TMEM63B: variants seen among roughly 807,000 people sequenced by gnomAD.
TMEM63B encodes mechanosensitive cation channel TMEM63B.
TMEM63B carries 23 observed loss-of-function variants against 102.6 expected under a neutral mutation model. The ratio of observed to expected loss-of-function variants is 0.22; its 90% CI spans 0.16 to 0.32. TMEM63B has a LOEUF of 0.32. Ranked by LOEUF, TMEM63B falls within the 10% of genes least tolerant of loss-of-function variation. TMEM63B has a pLI of 1.00. For synonymous variants in TMEM63B, 444 were observed against 437.0 expected, an observed-to-expected ratio of 1.02 and a Z score of -0.20; for missense variants, 628 against 1,095.9, an observed-to-expected ratio of 0.57 and a Z score of 6.03.
At chr6:44,134,971 T>G (rs1203798383) in intron 2 of TMEM63B, 46 bp from the exon 3 acceptor site, 14 of 1,604,716 alleles carry the variant, frequency 8.7e-6, no homozygotes, top group Non-Finnish European at 1.2e-5. Flanking sequence ...GTCCAGCAGG[T>G]GGACAGACAG....
Position 44,152,125 on chromosome 6 carries a change from G to A in TMEM63B, c.1836+117G>A. 1 of 1,284,950 alleles carries A rather than the reference G, an allele frequency of 7.8e-7. No homozygotes were observed. Among genetic ancestry groups the A allele is most frequent in the South Asian group, 1.5e-5 (1 of 66,434 alleles). 79.6% of individuals were successfully genotyped at this position (1,284,950 alleles called of 1,614,324 possible). A position where few individuals can be genotyped will look rare whatever the true frequency, so the allele number is the denominator to read the frequency against. The stretch of plus-strand genomic sequence containing the variant: ...GGAGGGCTGAGACTTGGGGAGTACA[G>A]TTGACTCACGGTGGATCCGGGCCAT... On this transcript the variant is annotated intron_variant, in intron 19 of 23. Transcript: ENST00000323267. The surrounding 1 kb of genome is among the most constrained non-coding windows in gnomAD (Gnocchi z 6.4).
chr6:44,132,645 C>T (rs1287247534), intron 1 of TMEM63B, among the ~76,000 whole-genome samples: 1 of 152,124 alleles, frequency 6.6e-6, no homozygotes, highest in Non-Finnish European at 1.5e-5. Flanking sequence ...CCCGGGCTCC[C>T]AGACACACCC....
intron 1 of TMEM63B, among the ~76,000 whole-genome samples, chr6:44,132,845 G>A (rs1562114003): frequency 1.3e-5 from 2 of 152,286 alleles, no homozygotes; most frequent in South Asian, 2.1e-4. Flanking sequence ...AAGCTTCCAT[G>A]GTCTGCCGAG....
rs1256388133 is a variant in TMEM63B, at chr6:44,152,175, G to A, written c.1836+167G>A. Reference sequence around the variant, plus strand: ...TCCCCTTCCCATATCTGGGGCCTTCGTATTCTGCCATGGGTGGACATAGGT... The same window carrying A: ...TCCCCTTCCCATATCTGGGGCCTTCATATTCTGCCATGGGTGGACATAGGT... On this transcript the variant is annotated intron_variant, in intron 19 of 23. Coordinates refer to ENST00000323267, the MANE Select transcript of TMEM63B (RefSeq NM_018426.3). The surrounding 1 kb of genome is among the most constrained non-coding windows in gnomAD (Gnocchi z 6.4). Among the ~76,000 whole-genome samples the A allele has an allele frequency of 1.3e-5, 2 of 152,174 alleles. No individual in the cohort carries two copies. Among genetic ancestry groups the A allele is most frequent in the Non-Finnish European group, 2.9e-5 (2 of 68,026 alleles).
chr6:44,151,685 T>G (rs1160373193), intron 18 of TMEM63B, among the ~76,000 whole-genome samples, 161 bp from the exon 19 acceptor site: 3 of 152,150 alleles, frequency 2.0e-5, no homozygotes, highest in Non-Finnish European at 4.4e-5. Context: ...TGTATGTCTC[T>G]GGGGGGAACA....
At position 44,135,306 on chromosome 6, in the gene TMEM63B, CCTGT is replaced by C; in HGVS notation, c.240-17_240-14del. On this transcript the variant is annotated intron_variant, in intron 3 of 23. Coordinates refer to ENST00000323267, the MANE Select transcript of TMEM63B (RefSeq NM_018426.3). ...GGGACTCTCCCCCGCCCCTGCTAACCCTGTCTGTTCTCTGTCCCCAGGCTTCGGC... is the reference window on the plus strand; with the variant it reads ...GGGACTCTCCCCCGCCCCTGCTAACCCTGTTCTCTGTCCCCAGGCTTCGGC... The C allele has an allele frequency of 6.2e-7, 1 of 1,610,936 alleles. No individual in the cohort carries two copies. Among genetic ancestry groups the C allele is most frequent in the Non-Finnish European group, 8.5e-7 (1 of 1,178,248 alleles).
intron 15 of TMEM63B, chr6:44,149,334 C>T (rs575052016): frequency 9.2e-5 from 32 of 348,470 alleles, no homozygotes; most frequent in Admixed American, 5.2e-4. Flanking sequence ...AGGGCTGCTC[C>T]GATGACAGTA....
chr6:44,149,152 C>T (rs1766041433), intron 15 of TMEM63B: 1 of 649,106 alleles, frequency 1.5e-6, no homozygotes, highest in Non-Finnish European at 2.7e-6. Flanking sequence ...GTGTGCAACA[C>T]CTGGAGAAAC....
chr6:44,134,419 G>A (rs1762526696), intron 1 of TMEM63B, 142 bp from the exon 2 acceptor site: 2 of 790,788 alleles, frequency 2.5e-6, no homozygotes, highest in South Asian at 3.8e-5. Context: ...CCCCTCCCTA[G>A]GCCCTTATCT....
In TMEM63B at chr6:44,150,653, A is replaced by G. The variant is rs1766402083; in HGVS notation, c.1673+24A>G. 6.2e-7 allele frequency: 1 copy of G among 1,612,348 alleles called. No individual in the cohort carries two copies. The highest frequency in any genetic ancestry group is 8.5e-7 in the Non-Finnish European group (1 of 1,178,624). ...GAGTGAGTGACTGGGGCCCCTAGGG[A>G]AAGAGACCAGACAGCAGGGGTGGGT... On this transcript the variant is annotated intron_variant, in intron 18 of 23. Coordinates refer to ENST00000323267, the MANE Select transcript of TMEM63B (RefSeq NM_018426.3). This position sits in a 1 kb window ranked among gnomAD's most constrained non-coding sequence, Gnocchi z 4.7.
chr6:44,136,229 CTCTGCGCTTCCTGTGCCT>C, intron 4 of TMEM63B, 102 bp from the exon 5 acceptor site: 1 of 761,518 alleles, frequency 1.3e-6, no homozygotes. Context: ...CTGCTTCAGC[CTCTGCGCTTCCTGTGCCT>C]TCTGTGCCTT....
intron 9 of TMEM63B, 84 bp downstream of exon 9, chr6:44,140,444 A>G (rs1242426242): frequency 8.9e-7 from 1 of 1,123,088 alleles, no homozygotes; most frequent in Non-Finnish European, 1.3e-6. Context: ...CTCAGCCCCA[A>G]GAGGTGTCAG....
chr6:44,134,762 C>T lies in TMEM63B; in HGVS notation c.159+19C>T. On this transcript the variant is annotated intron_variant, in intron 2 of 23. Transcript: ENST00000323267. ...CTTCCTTGTAAGTGCCTGCTGCCAC[C>T]CCTTACCTTGGCATCCATGCCCTGT... 1.2e-6 allele frequency: 2 copies of T among 1,608,326 alleles called. No homozygotes were observed. Among genetic ancestry groups the T allele is most frequent in the Non-Finnish European group, 1.7e-6 (2 of 1,176,496 alleles).
chr6:44,139,536 C>T lies in TMEM63B; in HGVS notation c.477C>T (p.Ile159=), dbSNP rs1383525673. The T allele has an allele frequency of 6.8e-6, 11 of 1,614,102 alleles. No individual in the cohort carries two copies. The highest frequency in any genetic ancestry group is 1.3e-5 in the African/African-American group (1 of 74,944). ...ACCTGTCCTTTCAGCGGCACATCATCGGGCTGCTGGTGGTTGTGGGCGTCC... is the reference window on the plus strand; with the variant it reads ...ACCTGTCCTTTCAGCGGCACATCATTGGGCTGCTGGTGGTTGTGGGCGTCC... The part of the protein sequence containing the change: ...VHYLSFQRHI[I]GLLVVVGVLS... The change falls in exon 7 of 24, where the codon ATC becomes ATT. Residue 159 remains isoleucine (I), a synonymous_variant. Transcript: ENST00000323267.
chr6:44,154,897 C>G lies in TMEM63B; in HGVS notation c.*14C>G. ...ATTCACCAGTAAGGGGAGGGAGGGG[C>G]CCTGGAGGCCACATCCTGCCCCACC... On this transcript the variant is annotated 3_prime_UTR_variant, in exon 24 of 24. Coordinates refer to ENST00000323267, the MANE Select transcript of TMEM63B (RefSeq NM_018426.3). 6.6e-7 allele frequency: 1 copy of G among 1,510,738 alleles called. No homozygotes were observed. The highest frequency in any genetic ancestry group is 8.8e-7 in the Non-Finnish European group (1 of 1,130,822). The allele number at this position is 1,510,738 out of a possible 1,614,324, so 93.6% of individuals were successfully genotyped here. A position where few individuals can be genotyped will look rare whatever the true frequency, so the allele number is the denominator to read the frequency against.
At chr6:44,147,308 G>A in intron 11 of TMEM63B, 69 bp from the exon 12 acceptor site, 1 of 1,611,678 alleles carries the variant, frequency 6.2e-7, no homozygotes, top group Non-Finnish European at 8.5e-7. Context: ...TGGGGAGTGA[G>A]CTAGATGACC....
chr6:44,139,105 C>T (rs974299513), intron 6 of TMEM63B, among the ~76,000 whole-genome samples: 2 of 152,174 alleles, frequency 1.3e-5, no homozygotes, highest in Non-Finnish European at 2.9e-5. Context: ...TGCCTTCCTC[C>T]CTCCTCAGAT....
intron 1 of TMEM63B, among the ~76,000 whole-genome samples, chr6:44,133,043 G>A (rs1380079233): frequency 6.6e-6 from 1 of 152,168 alleles, no homozygotes; most frequent in East Asian, 1.9e-4. Context: ...ATTCAGGATC[G>A]TCGAGGATTA....
Position 44,148,502 on chromosome 6 carries a change from C to T in TMEM63B, c.1122-11C>T. 6.2e-7 allele frequency: 1 copy of T among 1,613,720 alleles called. No homozygotes were observed. The highest frequency in any genetic ancestry group is 1.1e-5 in the South Asian group (1 of 91,030). On this transcript the variant is annotated splice_polypyrimidine_tract_variant and intron_variant, in intron 13 of 23. Coordinates refer to ENST00000323267, the MANE Select transcript of TMEM63B (RefSeq NM_018426.3). The surrounding 1 kb of genome is among the most constrained non-coding windows in gnomAD (Gnocchi z 5.1). ...AGGTGGGCCTGTGGTAACCAGTGCC[C>T]ATCTTTCTAGCATCCTGAAGGACTT...
Sources: allele counts gnomAD v4.1 joint callset (sites outside exome capture counted in the v4.1 genomes callset), GRCh38; gene constraint gnomAD v4.1.1; non-coding constraint Gnocchi (gnomAD v3.1); transcripts MANE v1.5; gene names NCBI Gene and HGNC (gene_info 2026-07-23, HGNC 2026-07-21).